TRAPPC9: variants seen among roughly 807,000 people sequenced by gnomAD.
TRAPPC9 encodes the protein IKK2 binding protein.
Under a neutral mutation model 124.0 loss-of-function variants are expected in TRAPPC9, and 83 were observed. The observed-to-expected ratio is 0.67, with a 90% CI of 0.56 to 0.80. The LOEUF is 0.80. Ranked by LOEUF, TRAPPC9 falls within the 30% of genes least tolerant of loss-of-function variation. TRAPPC9 has a pLI of 0.00. For synonymous variants in TRAPPC9, 638 were observed against 617.5 expected (o/e 1.03, Z -0.49); for missense variants, 1,302 against 1,508.3 (o/e 0.86, Z 2.27).
Position 140,016,002 on chromosome 8 carries a change from A to C in TRAPPC9, c.2699+7935T>G, listed in dbSNP as rs113245758. Among the ~76,000 whole-genome samples the C allele has an allele frequency of 9.2e-5, 14 of 152,314 alleles. 1 individual carries two copies. Among genetic ancestry groups the C allele is most frequent in the African/African-American group, 3.4e-4 (14 of 41,572 alleles). ...ACAGAGCTCAAAATCCAGTGGAAGA[A>C]CCAGAAACCCAACATTAACACCTCT... On this transcript the variant is annotated intron_variant, in intron 18 of 22. Transcript: ENST00000438773.
At chr8:140,428,182 G>A (rs1321797997) in intron 4 of TRAPPC9, among the ~76,000 whole-genome samples, 1 of 152,316 alleles carries the variant, frequency 6.6e-6, no homozygotes, top group East Asian at 1.9e-4. Flanking sequence ...TAGGGGATAT[G>A]AGTTAAACTT....
chr8:139,956,313 C>T (rs539980299), intron 19 of TRAPPC9, among the ~76,000 whole-genome samples: 1 of 152,272 alleles, frequency 6.6e-6, no homozygotes, highest in South Asian at 2.1e-4. Context: ...AGGCACCCAC[C>T]ACCACGCCCA....
At chr8:139,751,637 A>T (rs912073097) in intron 21 of TRAPPC9, among the ~76,000 whole-genome samples, 7 of 152,096 alleles carry the variant, frequency 4.6e-5, no homozygotes, top group African/African-American at 1.7e-4. Context: ...ACCTGGACAC[A>T]ACCTCTTCTG....
intron 15 of TRAPPC9, among the ~76,000 whole-genome samples, chr8:140,264,266 C>T (rs963317087): frequency 6.6e-6 from 1 of 152,100 alleles, no homozygotes; most frequent in Non-Finnish European, 1.5e-5. Context: ...AGGAGCCAAT[C>T]GTCTCCTCCC....
At chr8:140,404,583 C>T (rs2132423807) in intron 6 of TRAPPC9, among the ~76,000 whole-genome samples, 1 of 152,238 alleles carries the variant, frequency 6.6e-6, no homozygotes, top group Admixed American at 6.5e-5. Context: ...GAGAGTACAC[C>T]TGTGGTCTAT....
chr8:140,456,273 A>G (rs2977494), intron 1 of TRAPPC9, among the ~76,000 whole-genome samples: 83,280 of 151,890 alleles, frequency 0.55, 23,050 homozygotes, highest in Non-Finnish European at 0.57. Context: ...GTAGCCGGGC[A>G]TGGTGGCAGG....
At chr8:139,856,700 G>A (rs1827819060) in intron 21 of TRAPPC9, among the ~76,000 whole-genome samples, 1 of 146,338 alleles carries the variant, frequency 6.8e-6, no homozygotes, top group Non-Finnish European at 1.5e-5. Flanking sequence ...TGCTTTCACT[G>A]TTAATTTCCT....
chr8:140,361,261 C>T lies in TRAPPC9; in HGVS notation c.1352-1068G>A, dbSNP rs1215485370. Among the ~76,000 whole-genome samples the T allele has an allele frequency of 2.6e-5, 4 of 152,254 alleles. No homozygotes were observed. The East Asian group carries it at 7.7e-4, about 29-fold the overall frequency. ...CACAATACTGTGCAGGGCAGGTTCT[C>T]GTGCCATTGACACTCTTGTGGGAAG... On this transcript the variant is annotated intron_variant, in intron 8 of 22. Coordinates refer to ENST00000438773, the MANE Select transcript of TRAPPC9 (RefSeq NM_001160372.4).
chr8:140,119,370 C>G (rs2060945312), intron 17 of TRAPPC9, among the ~76,000 whole-genome samples: 1 of 152,224 alleles, frequency 6.6e-6, no homozygotes, highest in African/African-American at 2.4e-5. Flanking sequence ...GCCCCTCAAG[C>G]AGTTCCTCCC....
intron 21 of TRAPPC9, among the ~76,000 whole-genome samples, chr8:139,853,807 G>C (rs537658857): frequency 4.6e-4 from 70 of 152,322 alleles, no homozygotes; most frequent in African/African-American, 1.6e-3. Context: ...ATGGACAAGG[G>C]CCTGAGAGCC....
intron 21 of TRAPPC9, among the ~76,000 whole-genome samples, chr8:139,733,733 CG>C (rs1308828823): frequency 6.6e-6 from 1 of 152,224 alleles, no homozygotes; most frequent in African/African-American, 2.4e-5. Context: ...AACACAGTCA[CG>C]GGCATCCTGG....
intron 6 of TRAPPC9, among the ~76,000 whole-genome samples, chr8:140,399,202 G>A (rs573009847): frequency 6.6e-6 from 1 of 152,360 alleles, no homozygotes; most frequent in Admixed American, 6.5e-5. Context: ...GGCTCTCATG[G>A]AGAACCTCTG....
chr8:140,151,346 G>T (rs150975401), intron 17 of TRAPPC9, among the ~76,000 whole-genome samples: 19 of 152,096 alleles, frequency 1.2e-4, no homozygotes, highest in Non-Finnish European at 2.2e-4. Context: ...CCTTCCTCCC[G>T]CTCTGTATTA....
chr8:140,022,767 C>T (rs564109413), intron 18 of TRAPPC9, among the ~76,000 whole-genome samples: 2 of 152,220 alleles, frequency 1.3e-5, no homozygotes, highest in South Asian at 2.1e-4. Flanking sequence ...AAAACAGAGG[C>T]GGGTCTTGGC....
chr8:140,373,936 T>A (rs1192426042), intron 7 of TRAPPC9, among the ~76,000 whole-genome samples: 1 of 152,266 alleles, frequency 6.6e-6, no homozygotes, highest in South Asian at 2.1e-4. Context: ...TAGTTATATG[T>A]GTTTTGCAAA....
intron 21 of TRAPPC9, among the ~76,000 whole-genome samples, chr8:139,846,251 C>A (rs1054706567): frequency 6.6e-6 from 1 of 152,224 alleles, no homozygotes; most frequent in African/African-American, 2.4e-5. Context: ...CCACTGAACC[C>A]GATGATCAAT....
chr8:140,186,820 C>G (rs893709557), intron 17 of TRAPPC9, among the ~76,000 whole-genome samples: 1 of 152,120 alleles, frequency 6.6e-6, no homozygotes, highest in Non-Finnish European at 1.5e-5. Context: ...ATCATCAGGT[C>G]TTCTTAATTA....
At chr8:140,320,318 T>C (rs2066559489) in intron 9 of TRAPPC9, among the ~76,000 whole-genome samples, 1 of 152,220 alleles carries the variant, frequency 6.6e-6, no homozygotes, top group Admixed American at 6.5e-5. Flanking sequence ...AAGGAAAAGA[T>C]GGAGCTGACG....
chr8:139,894,823 C>T (rs1412393265), intron 20 of TRAPPC9, among the ~76,000 whole-genome samples: 1 of 152,186 alleles, frequency 6.6e-6, no homozygotes, highest in Non-Finnish European at 1.5e-5. Flanking sequence ...CACGAAGTCA[C>T]GCTCAGAGCA....
Sources: gnomAD v4.1 joint callset for allele counts (sites outside exome capture counted in the v4.1 genomes callset) on GRCh38, gnomAD v4.1.1 for gene constraint, MANE v1.5 for transcripts, NCBI Gene and HGNC (gene_info 2026-07-23, HGNC 2026-07-21) for gene names.